TENM3: variants seen among roughly 807,000 people sequenced by gnomAD.
TENM3 encodes the protein teneurin transmembrane protein 3, also known as teneurin-3.
TENM3 carries 63 observed loss-of-function variants against 255.1 expected under a neutral mutation model. The observed-to-expected ratio is 0.25, with a 90% CI of 0.20 to 0.30. The LOEUF is 0.30. Among genes scored for constraint, TENM3 ranks in the 10% least tolerant of loss-of-function variants. The probability of loss-of-function intolerance (pLI) is 1.00; values close to 1 mark genes in which losing one functional copy is unlikely to be tolerated. For synonymous variants in TENM3, 1,306 were observed against 1,322.3 expected (o/e 0.99, Z 0.27); for missense variants, 2,929 against 3,461.1 (o/e 0.85, Z 3.86).
At chr4:182,479,396 G>A (rs1185072344) in intron 3 of TENM3, among the ~76,000 whole-genome samples, 3 of 151,300 alleles carry the variant, frequency 2.0e-5, no homozygotes, top group African/African-American at 4.8e-5. Context: ...TGAATTTGAC[G>A]ATTATAAATA....
the TENM3 span, among the ~76,000 whole-genome samples, chr4:182,098,503 A>G: frequency 6.6e-6 from 1 of 152,254 alleles, no homozygotes; most frequent in Admixed American, 6.5e-5. Flanking sequence ...CTATTCAGCC[A>G]TAAAAAGAAT....
the TENM3 span, among the ~76,000 whole-genome samples, chr4:181,894,817 G>A: frequency 6.6e-6 from 1 of 152,086 alleles, no homozygotes; most frequent in Non-Finnish European, 1.5e-5. Context: ...CACAGAGTTA[G>A]GTGTCTGAGC....
chr4:182,292,921 C>G (rs527353334), intron 1 of TENM3, among the ~76,000 whole-genome samples: 1 of 152,310 alleles, frequency 6.6e-6, no homozygotes, highest in African/African-American at 2.4e-5. Context: ...GAGGTAGACA[C>G]AGTCCCAAGC....
chr4:181,664,887 T>C, the TENM3 span, among the ~76,000 whole-genome samples: 1 of 152,202 alleles, frequency 6.6e-6, no homozygotes, highest in Non-Finnish European at 1.5e-5. Flanking sequence ...CCTTGTCAAC[T>C]CCTTTAATTC....
At chr4:182,116,287 A>C in the TENM3 span, among the ~76,000 whole-genome samples, 1 of 152,150 alleles carries the variant, frequency 6.6e-6, no homozygotes, top group Non-Finnish European at 1.5e-5. Context: ...GGAATCATAT[A>C]GTATGTAGCC....
chr4:182,014,246 G>T, the TENM3 span, among the ~76,000 whole-genome samples: 1 of 151,176 alleles, frequency 6.6e-6, no homozygotes, highest in Non-Finnish European at 1.5e-5. Context: ...AAAATTGTGA[G>T]CTAACGTGCT....
At chr4:181,762,689 T>G in the TENM3 span, among the ~76,000 whole-genome samples, 1 of 152,176 alleles carries the variant, frequency 6.6e-6, no homozygotes, top group Non-Finnish European at 1.5e-5. Flanking sequence ...AGGACATTAC[T>G]GCAAAATGAT....
chr4:182,087,267 A>C, the TENM3 span, among the ~76,000 whole-genome samples: 1 of 152,242 alleles, frequency 6.6e-6, no homozygotes, highest in Non-Finnish European at 1.5e-5. Context: ...TTTACAAAAC[A>C]CATTAATTCC....
At chr4:182,412,661 C>T (rs572695813) in intron 3 of TENM3, among the ~76,000 whole-genome samples, 131 of 151,810 alleles carry the variant, frequency 8.6e-4, no homozygotes, top group Admixed American at 4.1e-3. Flanking sequence ...GTCAGGAGAT[C>T]GAGACTATCC....
the TENM3 span, among the ~76,000 whole-genome samples, chr4:181,856,153 A>AAG: frequency 7.1e-6 from 1 of 140,192 alleles, no homozygotes; most frequent in East Asian, 3.2e-4. Context: ...GGAAGGAAGG[A>AAG]AAGGGAAGGA....
At chr4:182,136,155 A>C in the TENM3 span, among the ~76,000 whole-genome samples, 1 of 152,212 alleles carries the variant, frequency 6.6e-6, no homozygotes. Context: ...GGTATGGAAA[A>C]AAAAAACACC....
At chr4:181,688,498 A>T in the TENM3 span, among the ~76,000 whole-genome samples, 1 of 151,584 alleles carries the variant, frequency 6.6e-6, no homozygotes. Flanking sequence ...TGGTTAAAAC[A>T]TTTTTTTTTA....
At chr4:182,219,481 A>G (rs1179750185) in intron 1 of TENM3, among the ~76,000 whole-genome samples, 1 of 152,084 alleles carries the variant, frequency 6.6e-6, no homozygotes, top group Non-Finnish European at 1.5e-5. Context: ...TGGGCAATAT[A>G]GTGAGACCCC....
At chr4:182,771,426 C>T (rs925205127) in intron 22 of TENM3, among the ~76,000 whole-genome samples, 5 of 150,626 alleles carry the variant, frequency 3.3e-5, no homozygotes, top group Non-Finnish European at 7.4e-5. Flanking sequence ...AGTTATGGTC[C>T]AGTCAAGAGA....
chr4:182,518,612 G>T (rs1476744873), intron 3 of TENM3, among the ~76,000 whole-genome samples: 4 of 152,138 alleles, frequency 2.6e-5, no homozygotes, highest in African/African-American at 9.7e-5. Context: ...CTGCAAGGAA[G>T]TGAGTTCTGC....
At chr4:181,503,196 T>A in the TENM3 span, among the ~76,000 whole-genome samples, 2 of 151,836 alleles carry the variant, frequency 1.3e-5, no homozygotes, top group Non-Finnish European at 2.9e-5. Context: ...AAGACCCCCA[T>A]CTCTACAAAA....
intron 2 of TENM3, among the ~76,000 whole-genome samples, chr4:182,336,926 G>C (rs1261913678): frequency 7.0e-6 from 1 of 141,960 alleles, no homozygotes; most frequent in African/African-American, 2.6e-5. Context: ...GGAGATCTTT[G>C]AGAGCCTCTG....
At chr4:182,581,669 G>T (rs187791730) in intron 3 of TENM3, among the ~76,000 whole-genome samples, 1 of 151,986 alleles carries the variant, frequency 6.6e-6, no homozygotes, top group Non-Finnish European at 1.5e-5. Context: ...CCCAGGAGGC[G>T]GAGGTTGCAG....
At chr4:182,756,115 C>G (rs1172427895) in intron 22 of TENM3, among the ~76,000 whole-genome samples, 1 of 152,216 alleles carries the variant, frequency 6.6e-6, no homozygotes, top group African/African-American at 2.4e-5. Context: ...CTGACTGTCT[C>G]AGGAACTTGC....
Sources: gnomAD v4.1 joint callset for allele counts (sites outside exome capture counted in the v4.1 genomes callset) on GRCh38, gnomAD v4.1.1 for gene constraint, MANE v1.5 for transcripts, NCBI Gene and HGNC (gene_info 2026-07-23, HGNC 2026-07-21) for gene names.